The following SYT1 variants were observed in gnomAD, a reference collection of about 807,000 sequenced individuals.
SYT1 encodes the protein synaptotagmin 1, also known as synaptotagmin-1.
In SYT1, 8 loss-of-function variants were observed where a neutral mutation model predicts 44.8. The observed-to-expected ratio is 0.18, with a 90% CI of 0.10 to 0.32. The LOEUF (loss-of-function observed/expected upper bound fraction) is 0.32. Ranked by LOEUF, SYT1 falls within the 10% of genes least tolerant of loss-of-function variation. The pLI, the probability that SYT1 is intolerant of heterozygous loss-of-function variation, is 1.00. For synonymous variants in SYT1, 154 were observed against 188.8 expected, an observed-to-expected ratio of 0.82 and a Z score of 1.51; for missense variants, 286 against 509.3, an observed-to-expected ratio of 0.56 and a Z score of 4.22.
At chr12:78,931,308 AGAGGGAGG>A (rs1279053038) in intron 1 of SYT1, among the ~76,000 whole-genome samples, 1 of 27,610 alleles carries the variant, frequency 3.6e-5, no homozygotes, top group African/African-American at 1.9e-4. Flanking sequence ...GGAAGGAAGG[AGAGGGAGG>A]GAGGGAGGGA....
rs761872475 is a variant in SYT1, at chr12:79,353,517, G to A, written c.826G>A (p.Asp276Asn). ...GTTTTCTTAGCAAGAGAAATTGGGTGATATCTGCTTCTCCCTTCGCTACGT... is the reference window on the plus strand; with the variant it reads ...GTTTTCTTAGCAAGAGAAATTGGGTAATATCTGCTTCTCCCTTCGCTACGT... The part of the protein sequence containing the change: ...AEKEEQEKLG[D>N]ICFSLRYVPT... The change falls in exon 9 of 11, where the codon GAT becomes AAT. Residue 276 changes from aspartate to asparagine, a missense_variant. Asp to Asn is a conservative substitution (Grantham distance 23). Around this residue, in one of 6 missense-constraint regions of SYT1, gnomAD observed 81 missense variants for 164.9 expected, o/e 0.49. Transcript: ENST00000261205. 6.2e-7 allele frequency: 1 copy of A among 1,613,696 alleles called. No homozygotes were observed. Among genetic ancestry groups the A allele is most frequent in the East Asian group, 2.2e-5 (1 of 44,886 alleles).
intron 3 of SYT1, among the ~76,000 whole-genome samples, chr12:79,192,517 A>G (rs1023178288): frequency 1.3e-5 from 2 of 152,152 alleles, no homozygotes; most frequent in Non-Finnish European, 2.9e-5. Context: ...CAAGAAGTGC[A>G]TCATCTACTG....
chr12:78,910,973 G>A (rs1160437385), intron 1 of SYT1, among the ~76,000 whole-genome samples: 2 of 152,000 alleles, frequency 1.3e-5, no homozygotes, highest in East Asian at 1.9e-4. Flanking sequence ...GATCAAAGTA[G>A]ACATAGCCAG....
chr12:79,388,592 T>C (rs2136087740), intron 9 of SYT1, among the ~76,000 whole-genome samples: 1 of 152,200 alleles, frequency 6.6e-6, no homozygotes, highest in Non-Finnish European at 1.5e-5. Flanking sequence ...ACACCTGTAG[T>C]TCCAGCTACA....
intron 2 of SYT1, among the ~76,000 whole-genome samples, chr12:78,985,622 AT>A (rs1869587095): frequency 1.3e-5 from 2 of 151,678 alleles, no homozygotes; most frequent in Admixed American, 1.3e-4. Context: ...GTGATAACAA[AT>A]TCTTTATGTT....
chr12:78,996,437 T>C (rs1232675189), intron 2 of SYT1, among the ~76,000 whole-genome samples: 1 of 152,182 alleles, frequency 6.6e-6, no homozygotes, highest in African/African-American at 2.4e-5. Flanking sequence ...GAGAAAAGAA[T>C]GAGATGGGAA....
At chr12:79,319,914 C>T (rs977917324) in intron 8 of SYT1, among the ~76,000 whole-genome samples, 8 of 152,170 alleles carry the variant, frequency 5.3e-5, no homozygotes, top group Non-Finnish European at 8.8e-5. Context: ...GAATATCCAT[C>T]CCTGTAATTA....
chr12:79,210,440 T>G (rs1233196863), intron 3 of SYT1, among the ~76,000 whole-genome samples: 1 of 152,204 alleles, frequency 6.6e-6, no homozygotes, highest in Non-Finnish European at 1.5e-5. Flanking sequence ...TGTTGAATCA[T>G]TCTTATGCCT....
chr12:79,084,243 ATATT>A (rs1877229978), intron 3 of SYT1, among the ~76,000 whole-genome samples: 1 of 152,184 alleles, frequency 6.6e-6, no homozygotes, highest in East Asian at 1.9e-4. Context: ...CCTAGAATAA[ATATT>A]CCATAAATGT....
chr12:79,304,207 C>T (rs1880283749), intron 8 of SYT1, among the ~76,000 whole-genome samples: 1 of 152,156 alleles, frequency 6.6e-6, no homozygotes, highest in African/African-American at 2.4e-5. Flanking sequence ...GGCAAGAACA[C>T]AATAGGCGTG....
rs192738892 is a variant in SYT1 at position 79,401,087 on chromosome 12, C to T, written c.929-42986C>T. Among the ~76,000 whole-genome samples the T allele has an allele frequency of 2.8e-3, 428 of 152,224 alleles. 2 individuals are homozygous for T. Among genetic ancestry groups the T allele is most frequent in the Non-Finnish European group, 5.0e-3 (341 of 68,016 alleles). On this transcript the variant is annotated intron_variant, in intron 9 of 10. Transcript: ENST00000261205. ...GACATAATGCTGCCTGGCTAATCTG[C>T]CTTTCATTGTTATTATAATACATAT...
intron 2 of SYT1, among the ~76,000 whole-genome samples, chr12:79,002,209 C>T (rs1312666520): frequency 6.6e-6 from 1 of 152,004 alleles, no homozygotes; most frequent in African/African-American, 2.4e-5. Flanking sequence ...AAAAAATTTG[C>T]AGAAATAACA....
At chr12:78,979,053 T>C (rs985965351) in intron 2 of SYT1, among the ~76,000 whole-genome samples, 1 of 152,202 alleles carries the variant, frequency 6.6e-6, no homozygotes, top group East Asian at 1.9e-4. Flanking sequence ...ACAGTTGTTA[T>C]TGTTGAAACA....
At chr12:79,422,838 C>G (rs1593054094) in intron 9 of SYT1, among the ~76,000 whole-genome samples, 4 of 152,192 alleles carry the variant, frequency 2.6e-5, no homozygotes, top group Admixed American at 2.6e-4. Context: ...AAGGCACATT[C>G]TAATCTAGGT....
intron 3 of SYT1, among the ~76,000 whole-genome samples, chr12:79,082,930 A>C (rs1389999548): frequency 6.6e-6 from 1 of 152,150 alleles, no homozygotes; most frequent in Non-Finnish European, 1.5e-5. Context: ...TAAAGGAAAA[A>C]TTTTTTAATG....
At chr12:78,942,438 C>T (rs1207079137) in intron 1 of SYT1, among the ~76,000 whole-genome samples, 1 of 152,144 alleles carries the variant, frequency 6.6e-6, no homozygotes, top group Non-Finnish European at 1.5e-5. Flanking sequence ...TGGCCTCTCT[C>T]CATCTTTCCA....
chr12:79,092,012 G>A (rs1231857105), intron 3 of SYT1, among the ~76,000 whole-genome samples: 1 of 151,932 alleles, frequency 6.6e-6, no homozygotes, highest in East Asian at 1.9e-4. Flanking sequence ...AGCCTCTTGA[G>A]GCTGGGAAGC....
At chr12:79,203,388 A>G (rs1187013472) in intron 3 of SYT1, among the ~76,000 whole-genome samples, 1 of 152,154 alleles carries the variant, frequency 6.6e-6, no homozygotes, top group African/African-American at 2.4e-5. Context: ...AGGCAAACAC[A>G]TCACCACCCA....
chr12:78,941,173 C>T (rs527423284), intron 1 of SYT1, among the ~76,000 whole-genome samples: 18 of 148,982 alleles, frequency 1.2e-4, no homozygotes, highest in African/African-American at 3.2e-4. Flanking sequence ...CCCCAGTTCA[C>T]GCCATTCTTC....
Sources: gnomAD v4.1 joint callset for allele counts (sites outside exome capture counted in the v4.1 genomes callset) on GRCh38, gnomAD v4.1.1 for gene constraint, gnomAD v4.1.1 regional missense constraint, MANE v1.5 for transcripts, NCBI Gene and HGNC (gene_info 2026-07-23, HGNC 2026-07-21) for gene names.